CCZ1B: variants seen among roughly 807,000 people sequenced by gnomAD.
CCZ1B encodes the protein vacuolar fusion protein CCZ1 homolog B.
Under a neutral mutation model 58.8 loss-of-function variants are expected in CCZ1B, and 25 were observed. The ratio of observed to expected loss-of-function variants is 0.43; its 90% CI spans 0.31 to 0.59. CCZ1B has a LOEUF of 0.59. Among genes scored for constraint, CCZ1B ranks in the 20% least tolerant of loss-of-function variants. CCZ1B has a pLI of 0.12. For missense variants in CCZ1B, 180 were observed against 501.5 expected, an observed-to-expected ratio of 0.36 and a Z score of 6.12; for synonymous variants, 66 against 173.2, an observed-to-expected ratio of 0.38 and a Z score of 4.86.
chr7:6,808,399 CAAAAAA>C (rs1782866425), intron 10 of CCZ1B, among the ~76,000 whole-genome samples: 4 of 51,316 alleles, frequency 7.8e-5, no homozygotes, highest in African/African-American at 6.7e-5. Flanking sequence ...AAAAAAAAAA[CAAAAAA>C]CAAAACAAAA....
chr7:6,804,280 G>A (rs1232678363), intron 12 of CCZ1B, among the ~76,000 whole-genome samples: 2 of 123,208 alleles, frequency 1.6e-5, no homozygotes, highest in Non-Finnish European at 3.3e-5. Context: ...AAAAGGAGCC[G>A]GGCATGGTGG....
At chr7:6,817,049 C>T (rs1369975924) in intron 7 of CCZ1B, among the ~76,000 whole-genome samples, 6 of 152,306 alleles carry the variant, frequency 3.9e-5, no homozygotes, top group African/African-American at 1.2e-4. Context: ...CAGGTGTAAG[C>T]GTTGGCGCCT....
chr7:6,804,985 C>T lies in CCZ1B; in HGVS notation c.1059G>A (p.Leu353=). The part of the protein sequence containing the change: ...DSIVGPQLTV[L]ASDICEQFNI... ...TAAACTGTTCACAGATGTCAGAGGC[C>T]AGCACTGTGAGCTGGGGCCCAACGA... Residue 353 remains leucine (L), a synonymous_variant, in exon 12 of 15, where the codon CTG becomes CTA. Transcript: ENST00000316731. 9.3e-6 allele frequency: 13 copies of T among 1,404,730 alleles called. 2 individuals carry two copies. The highest frequency in any genetic ancestry group is 1.2e-5 in the Non-Finnish European group (13 of 1,061,634). The allele number at this position is 1,404,730 out of a possible 1,614,324, so 87.0% of individuals were successfully genotyped here.
Position 6,816,116 on chromosome 7 carries a change from GA to G in CCZ1B, c.699-1272del, listed in dbSNP as rs1782995627. Among the ~76,000 whole-genome samples, 17 of 147,686 alleles carry G rather than the reference GA, an allele frequency of 1.2e-4. No individual in the cohort carries two copies. In the South Asian group the frequency reaches 3.7e-3, roughly 32 times the overall value. On this transcript the variant is annotated intron_variant, in intron 7 of 14. Coordinates refer to ENST00000316731, the MANE Select transcript of CCZ1B (RefSeq NM_198097.5). ...AGAAACTAGCAGGTATCAGACTCTG[GA>G]ACCGGTTTTTTAAAAGGAGACAGAC...
chr7:6,815,268 C>T (rs1583553494), intron 7 of CCZ1B, among the ~76,000 whole-genome samples: 3 of 147,452 alleles, frequency 2.0e-5, no homozygotes, highest in South Asian at 2.2e-4. Context: ...AGGGCTCAAG[C>T]GGTCCTCCCA....
chr7:6,817,933 G>A (rs2115123116), intron 7 of CCZ1B, among the ~76,000 whole-genome samples: 1 of 148,432 alleles, frequency 6.7e-6, no homozygotes, highest in East Asian at 2.0e-4. Flanking sequence ...GAACCCAGGA[G>A]GCAGGGGTTG....
chr7:6,814,750 G>A lies in CCZ1B; in HGVS notation c.780+14C>T. On this transcript the variant is annotated intron_variant, in intron 8 of 14. Coordinates refer to ENST00000316731, the MANE Select transcript of CCZ1B (RefSeq NM_198097.5). ...CCTGCATGTAATTGTGTGCAGCTATGGTACCCATCATACCTCAGGTTCGAT... is the reference window on the plus strand; with the variant it reads ...CCTGCATGTAATTGTGTGCAGCTATAGTACCCATCATACCTCAGGTTCGAT... 1 of 1,600,546 alleles carries A rather than the reference G, an allele frequency of 6.2e-7. No homozygotes were observed. The highest frequency in any genetic ancestry group is 8.5e-7 in the Non-Finnish European group (1 of 1,173,444).
intron 1 of CCZ1B, among the ~76,000 whole-genome samples, chr7:6,825,413 A>ATTT (rs1160935567): frequency 7.9e-5 from 9 of 113,730 alleles, no homozygotes; most frequent in African/African-American, 2.2e-4. Context: ...TCACTTTTCA[A>ATTT]TTTTTTTTTT....
chr7:6,824,697 T>C lies in CCZ1B; in HGVS notation c.161A>G (p.Glu54Gly). ...GACATTTCTAATCTTCTCATTCTTT[T>C]CTACCTCATTTGGATGATAAAATAA... The part of the protein sequence containing the change: ...KILFYHPNEV[E>G]KNEKIRNVGL... The change falls in exon 2 of 15, where the codon GAA becomes GGA. Residue 54 changes from glutamate to glycine, a missense_variant. Transcript: ENST00000316731. 6.2e-7 allele frequency: 1 copy of C among 1,605,802 alleles called. No homozygotes were observed. Among genetic ancestry groups the C allele is most frequent in the South Asian group, 1.1e-5 (1 of 88,732 alleles).
In CCZ1B at chr7:6,823,512, GTTC is replaced by G. The variant is rs371039124; in HGVS notation, c.391-155_391-153del. 1.6e-4 allele frequency: 127 copies of G among 777,010 alleles called. No individual in the cohort carries two copies. In the African/African-American group the frequency reaches 1.7e-3, roughly 10 times the overall value. The allele number at this position is 777,010 out of a possible 1,614,324, so 48.1% of individuals were successfully genotyped here. A position where few individuals can be genotyped will look rare whatever the true frequency, so the allele number is the denominator to read the frequency against. On this transcript the variant is annotated intron_variant, in intron 4 of 14. Transcript: ENST00000316731. ...TTGCGTGCTGAAAAAAAGTGTTTGCGTTCTTTTTTTTTTTTTTTTTTTTTGAGA... is the reference window on the plus strand; with the variant it reads ...TTGCGTGCTGAAAAAAAGTGTTTGCGTTTTTTTTTTTTTTTTTTTTTGAGA...
intron 9 of CCZ1B, among the ~76,000 whole-genome samples, chr7:6,812,730 C>T (rs1782938118): frequency 6.6e-6 from 1 of 151,584 alleles, no homozygotes; most frequent in African/African-American, 2.4e-5. Flanking sequence ...CAAGACCAGC[C>T]TGGCCAACAT....
intron 6 of CCZ1B, among the ~76,000 whole-genome samples, chr7:6,821,731 A>G (rs1783113899): frequency 6.6e-6 from 1 of 151,480 alleles, no homozygotes; most frequent in South Asian, 2.1e-4. Flanking sequence ...CCTTTTAAAA[A>G]AAAAGATAAA....
chr7:6,818,890 C>T lies in CCZ1B; in HGVS notation c.698+876G>A, dbSNP rs576014722. The stretch of plus-strand genomic sequence containing the variant: ...CATATATGCTGGGCAGTCTTGTGCC[C>T]ACGTTGTTCCTACTGCAGGACACAA... On this transcript the variant is annotated intron_variant, in intron 7 of 14. Coordinates refer to ENST00000316731, the MANE Select transcript of CCZ1B (RefSeq NM_198097.5). Among the ~76,000 whole-genome samples the T allele has an allele frequency of 1.7e-3, 247 of 148,450 alleles. 5 individuals carry two copies. Among genetic ancestry groups the T allele is most frequent in the Non-Finnish European group, 2.6e-3 (178 of 67,450 alleles).
intron 5 of CCZ1B, 33 bp from the exon 6 acceptor site, chr7:6,822,397 C>CA: frequency 6.3e-7 from 1 of 1,580,838 alleles, no homozygotes; most frequent in East Asian, 2.2e-5. Flanking sequence ...AAAAAAAAAT[C>CA]AGTTTCCTAT....
intron 8 of CCZ1B, 137 bp downstream of exon 8, chr7:6,814,627 C>G: frequency 1.5e-6 from 1 of 667,748 alleles, no homozygotes; most frequent in Non-Finnish European, 2.5e-6. Context: ...AATTGATATA[C>G]AGTGACATAA....
intron 6 of CCZ1B, 69 bp downstream of exon 6, chr7:6,822,212 T>C: frequency 1.3e-6 from 2 of 1,549,532 alleles, no homozygotes; most frequent in South Asian, 1.2e-5. Context: ...AACAAACTTG[T>C]CTGTCTATAT....
In CCZ1B at chr7:6,821,210, C is replaced by T. The variant is rs1354058683; in HGVS notation, c.522+1071G>A. ...ATTTTTTAGTAGAGACGAGGTTTCACCATGTTGGCCAGGCTGGTCTCGAAC... is the reference window on the plus strand; with the variant it reads ...ATTTTTTAGTAGAGACGAGGTTTCATCATGTTGGCCAGGCTGGTCTCGAAC... On this transcript the variant is annotated intron_variant, in intron 6 of 14. Coordinates refer to ENST00000316731, the MANE Select transcript of CCZ1B (RefSeq NM_198097.5). 6.0e-5 allele frequency among the ~76,000 whole-genome samples: 9 copies of T among 149,908 alleles called. 1 individual carries two copies. Among genetic ancestry groups the T allele is most frequent in the Non-Finnish European group, 1.0e-4 (7 of 67,660 alleles).
chr7:6,825,051 A>G (rs1196512050), intron 1 of CCZ1B, among the ~76,000 whole-genome samples: 5 of 150,290 alleles, frequency 3.3e-5, no homozygotes, highest in South Asian at 2.1e-4. Context: ...GGCAATTTCG[A>G]TAGTCAAGAA....
chr7:6,811,048 C>T (rs1351597254), intron 10 of CCZ1B, among the ~76,000 whole-genome samples: 8 of 151,600 alleles, frequency 5.3e-5, no homozygotes, highest in South Asian at 2.1e-4. Flanking sequence ...AACAGACCCT[C>T]GATTGTCACC....
Sources: gnomAD v4.1 joint callset for allele counts (sites outside exome capture counted in the v4.1 genomes callset) on GRCh38, gnomAD v4.1.1 for gene constraint, MANE v1.5 for transcripts, NCBI Gene and HGNC (gene_info 2026-07-23, HGNC 2026-07-21) for gene names.